ZMYM3: variants seen among roughly 807,000 people sequenced by gnomAD.
ZMYM3 encodes zinc finger MYM-type containing 3, also known as zinc finger MYM-type protein 3.
In ZMYM3, 6 loss-of-function variants were observed where a neutral mutation model predicts 94.2. The ratio of observed to expected loss-of-function variants is 0.06; its 90% CI spans 0.03 to 0.13. The LOEUF (loss-of-function observed/expected upper bound fraction) is 0.13, where lower values mean the gene tolerates loss of function less well. ZMYM3 is among the 10% of genes least tolerant of loss of function. The probability of loss-of-function intolerance (pLI) is 1.00; values close to 1 mark genes in which losing one functional copy is unlikely to be tolerated. For missense variants in ZMYM3, 664 were observed against 1,132.6 expected (o/e 0.59, Z 5.94); for synonymous variants, 420 against 426.5 (o/e 0.98, Z 0.19).
rs1489564333 is a variant in ZMYM3 at position 71,245,362 on chromosome X, T to C, written c.2984A>G (p.Asp995Gly). Residue 995 changes from aspartate to glycine, a missense_variant, in exon 18 of 25, where the codon GAC becomes GGC. Asp to Gly is a moderately conservative substitution (Grantham distance 94). This residue lies in a region of ZMYM3 where 75 missense variants were observed against 152.5 expected (regional missense o/e 0.49). Coordinates refer to ENST00000314425, the MANE Select transcript of ZMYM3 (RefSeq NM_201599.3). Reference protein sequence around the residue: ...MANVLDEPGQDLEADFPKNPL... With the variant: ...MANVLDEPGQGLEADFPKNPL... ...ACTCTTAGGGAAGTCTGCCTCCAAGTCTTGCCCAGGCTCATCCAAGACATT... is the reference window on the plus strand; with the variant it reads ...ACTCTTAGGGAAGTCTGCCTCCAAGCCTTGCCCAGGCTCATCCAAGACATT... 1 of 1,211,534 alleles carries C rather than the reference T, an allele frequency of 8.3e-7. No individual in the cohort carries two copies. Among genetic ancestry groups the C allele is most frequent in the Non-Finnish European group, 1.1e-6 (1 of 895,475 alleles).
In ZMYM3 at chrX:71,253,286, G is replaced by A; in HGVS notation, c.-19-12C>T. On this transcript the variant is annotated splice_polypyrimidine_tract_variant and intron_variant, in intron 1 of 24. Transcript: ENST00000314425. ...TGGCTGGATATGTACTGCAGATTAG[G>A]AGTAGAAGAGGGGGCAGTAGAGGTG... The A allele has an allele frequency of 9.0e-7, 1 of 1,114,574 alleles. No homozygotes were observed. Among genetic ancestry groups the A allele is most frequent in the Non-Finnish European group, 1.2e-6 (1 of 841,770 alleles). The allele number at this position is 1,114,574 out of a possible 1,213,427, so 91.9% of individuals were successfully genotyped here.
At chrX:71,248,976 A>T in intron 8 of ZMYM3, 43 bp downstream of exon 8, 1 of 1,206,094 alleles carries the variant, frequency 8.3e-7, no homozygotes, top group Non-Finnish European at 1.1e-6. Context: ...GGAGGTAGAG[A>T]GAAGGCCAGC....
At chrX:71,244,158 C>T in intron 20 of ZMYM3, 144 bp downstream of exon 20, 1 of 974,606 alleles carries the variant, frequency 1.0e-6, no homozygotes, top group Non-Finnish European at 1.4e-6. Flanking sequence ...CAACTCCTCC[C>T]CATCTTCACA....
chrX:71,253,301 C>T lies in ZMYM3; in HGVS notation c.-19-27G>A, dbSNP rs368926476. ...TGCAGATTAGGAGTAGAAGAGGGGG[C>T]AGTAGAGGTGGTCTTAGCCTGAATT... is the stretch of plus-strand genomic sequence containing the variant. On this transcript the variant is annotated intron_variant, in intron 1 of 24. Coordinates refer to ENST00000314425, the MANE Select transcript of ZMYM3 (RefSeq NM_201599.3). The T allele has an allele frequency of 4.1e-4, 441 of 1,080,160 alleles. 1 individual carries two copies. The Middle Eastern group carries it at 9.3e-3, about 23-fold the overall frequency. The allele number at this position is 1,080,160 out of a possible 1,213,427, so 89.0% of individuals were successfully genotyped here.
chrX:71,253,490 C>T (rs950867031), intron 1 of ZMYM3, among the ~76,000 whole-genome samples: 1 of 102,608 alleles, frequency 9.7e-6, no homozygotes, highest in Admixed American at 1.0e-4. Flanking sequence ...GCCCTGGCCC[C>T]GTGCCCACAC....
rs766441196 is a variant in ZMYM3, at chrX:71,241,093, C to T, written c.3936G>A (p.Arg1312=). The T allele has an allele frequency of 5.0e-6, 6 of 1,205,929 alleles. No homozygotes were observed. The highest frequency in any genetic ancestry group is 6.7e-6 in the Non-Finnish European group (6 of 893,290). Residue 1312 remains arginine, a synonymous_variant, in exon 25 of 25, where the codon CGG becomes CGA. Coordinates refer to ENST00000314425, the MANE Select transcript of ZMYM3 (RefSeq NM_201599.3). Reference sequence around the variant, plus strand: ...GCAGGTAGAACACATCGTTGCGAGTCCGGAGGCTTTCAGGACTGCAACATC... The same window carrying T: ...GCAGGTAGAACACATCGTTGCGAGTTCGGAGGCTTTCAGGACTGCAACATC... The part of the protein sequence containing the change: ...FYLSKCPESL[R]TRNDVFYLQP...
At chrX:71,250,310 C>G in intron 5 of ZMYM3, 107 bp from the exon 6 acceptor site, 1 of 1,087,302 alleles carries the variant, frequency 9.2e-7, no homozygotes, top group Non-Finnish European at 1.2e-6. Context: ...TACTCTGACT[C>G]TCTCCCTACA....
upstream of ZMYM3, chrX:71,254,404 G>A (rs1397978591): frequency 8.9e-6 from 1 of 112,186 alleles, no homozygotes; most frequent in Non-Finnish European, 1.9e-5. Flanking sequence ...CCCGGGAAAG[G>A]CGGCGTCCCC....
At position 71,248,540 on chromosome X, in the gene ZMYM3, ACAAGTAAGGGAGGGG is replaced by A. The variant is rs905383018; in HGVS notation, c.1738-31_1738-17del. On this transcript the variant is annotated splice_polypyrimidine_tract_variant and intron_variant, in intron 9 of 24. Coordinates refer to ENST00000314425, the MANE Select transcript of ZMYM3 (RefSeq NM_201599.3). ...GGCTTGTGCGCTGGAGGGAAGGAAGACAAGTAAGGGAGGGGCAAGATGTGTGCAGCGGTGGGGAAG... is the reference window on the plus strand; with the variant it reads ...GGCTTGTGCGCTGGAGGGAAGGAAGACAAGATGTGTGCAGCGGTGGGGAAG... The A allele has an allele frequency of 8.3e-7, 1 of 1,205,305 alleles. No individual in the cohort carries two copies. The highest frequency in any genetic ancestry group is 1.7e-5 in the African/African-American group (1 of 57,241).
In ZMYM3 at chrX:71,249,551, G is replaced by C. The variant is rs2030351794; in HGVS notation, c.1380C>G (p.Thr460=). ...GCTCAGGGCCAGGACTCCCGGTCTT[G>C]GTGTAGATGTAAGCCCCACACTGGT... ...CCDQCGAYIY[T]KTGSPGPELL... Residue 460 remains threonine (T), a synonymous_variant, in exon 7 of 25, where the codon ACC becomes ACG. Coordinates refer to ENST00000314425, the MANE Select transcript of ZMYM3 (RefSeq NM_201599.3). 5 of 1,207,406 alleles carry C rather than the reference G, an allele frequency of 4.1e-6. No homozygotes were observed. The South Asian group carries it at 7.1e-5, about 17-fold the overall frequency.
intron 2 of ZMYM3, 99 bp from the exon 3 acceptor site, chrX:71,251,700 A>C (rs778144087): frequency 1.8e-5 from 19 of 1,076,263 alleles, no homozygotes; most frequent in Non-Finnish European, 2.3e-5. Flanking sequence ...GAACTTACTC[A>C]AAACTGAAAG....
chrX:71,251,400 T>C (rs1467571280), intron 3 of ZMYM3, 156 bp from the exon 4 acceptor site: 2 of 937,768 alleles, frequency 2.1e-6, no homozygotes, highest in Non-Finnish European at 2.9e-6. Context: ...GAGGTTGGAC[T>C]TTCTCCCCAA....
In ZMYM3 at chrX:71,244,302, G is replaced by T; in HGVS notation, c.3280C>A (p.Pro1094Thr). 8.5e-7 allele frequency: 1 copy of T among 1,178,675 alleles called. No individual in the cohort carries two copies. The highest frequency in any genetic ancestry group is 1.1e-6 in the Non-Finnish European group (1 of 878,882). The change falls in exon 20 of 25, where the codon CCC (proline) becomes ACC (threonine). Residue 1094 changes from proline to threonine, a missense_variant and splice_region_variant. Physicochemically the swap from Pro to Thr is conservative, Grantham distance 38. Transcript: ENST00000314425. The stretch of plus-strand genomic sequence containing the variant: ...ACACCCCCCATCCCCAAGTACTTAC[G>T]GCCAAAGCGCAGCTCATCACCCTTG... ...TSKGDELRFG[P>T]KPMRIKEDIL...
In ZMYM3 at chrX:71,240,784, G is replaced by A. The variant is rs185837147; in HGVS notation, c.*132C>T. Reference sequence around the variant, plus strand: ...AGCCAGGGTTCCTAGAGAAGGCAGGGAATGGGTGAGCGGAAAGGAGCAGTC... The same window carrying A: ...AGCCAGGGTTCCTAGAGAAGGCAGGAAATGGGTGAGCGGAAAGGAGCAGTC... On this transcript the variant is annotated 3_prime_UTR_variant, in exon 25 of 25. Coordinates refer to ENST00000314425, the MANE Select transcript of ZMYM3 (RefSeq NM_201599.3). 7.5e-5 allele frequency: 49 copies of A among 653,948 alleles called. No individual in the cohort carries two copies. The Admixed American group carries it at 8.0e-4, about 11-fold the overall frequency. The allele number at this position is 653,948 out of a possible 1,213,427, so 53.9% of individuals were successfully genotyped here. A position where few individuals can be genotyped will look rare whatever the true frequency, so the allele number is the denominator to read the frequency against.
Position 71,253,068 on chromosome X carries a change from G to C in ZMYM3, c.188C>G (p.Pro63Arg), listed in dbSNP as rs1445927573. Residue 63 changes from proline to arginine, a missense_variant, in exon 2 of 25, where the codon CCT becomes CGT. Physicochemically the swap from Pro to Arg is moderately radical, Grantham distance 103. Transcript: ENST00000314425. ...SSGALDLLDT[P>R]AGLEKDPGVL... ...TCCAGGGTCTTTTTCCAGGCCAGCA[G>C]GGGTATCAAGCAGGTCCAGGGCTCC... The C allele has an allele frequency of 8.3e-7, 1 of 1,201,193 alleles. No homozygotes were observed. The highest frequency in any genetic ancestry group is 2.2e-5 in the Admixed American group (1 of 44,854).
At chrX:71,245,571 C>A (rs2030131340) in intron 17 of ZMYM3, 86 bp from the exon 18 acceptor site, 8 of 1,157,920 alleles carry the variant, frequency 6.9e-6, no homozygotes, top group Non-Finnish European at 9.2e-6. Context: ...AACTATCCTC[C>A]CATTCTACTA....
At chrX:71,249,436 T>G in intron 7 of ZMYM3, 25 bp downstream of exon 7, 1 of 1,173,476 alleles carries the variant, frequency 8.5e-7, no homozygotes, top group African/African-American at 1.8e-5. Flanking sequence ...CACAGCCCTC[T>G]AATGCACTAC....
chrX:71,251,317 G>T lies in ZMYM3; in HGVS notation c.712-73C>A, dbSNP rs1482489670. On this transcript the variant is annotated intron_variant, in intron 3 of 24. Transcript: ENST00000314425. ...GGCTAACACTAGTACAGGGTTTGGG[G>T]GGGGATAGAAGATGGGAGGGGGAAG... is the stretch of plus-strand genomic sequence containing the variant. 3.0e-5 allele frequency: 31 copies of T among 1,028,501 alleles called. No individual in the cohort carries two copies. The South Asian group carries it at 5.4e-4, about 18-fold the overall frequency. The allele number at this position is 1,028,501 out of a possible 1,213,427, so 84.8% of individuals were successfully genotyped here.
rs1397827270 is a variant in ZMYM3, at chrX:71,252,850, A to G, written c.406T>C (p.Ser136Pro). The G allele has an allele frequency of 2.5e-6, 3 of 1,209,384 alleles. No homozygotes were observed. In the African/African-American group the frequency reaches 5.2e-5, roughly 21 times the overall value. ...PDPGAGANSC[S>P]PEGLLEPLAP... is the part of the protein sequence containing the mutation. ...AAAGGCTCTAGTAGCCCCTCAGGTG[A>G]ACAGGAATTTGCCCCAGCCCCTGGA... Residue 136 changes from serine to proline, a missense_variant, in exon 2 of 25, where the codon TCA becomes CCA. By Grantham distance (74) the Ser-to-Pro change is moderately conservative. Transcript: ENST00000314425.
Sources: gnomAD v4.1 joint callset for allele counts (sites outside exome capture counted in the v4.1 genomes callset) on GRCh38, gnomAD v4.1.1 for gene constraint, gnomAD v4.1.1 regional missense constraint, MANE v1.5 for transcripts, NCBI Gene and HGNC (gene_info 2026-07-23, HGNC 2026-07-21) for gene names.